Variants in EML6 observed in about 807,000 individuals in gnomAD.
The protein encoded by EML6 is echinoderm microtubule-associated protein-like 6.
A neutral mutation model predicts 240.1 loss-of-function variants in EML6; 154 were observed. That is an observed-to-expected ratio of 0.64 (90% CI 0.56 to 0.73). The LOEUF is 0.73. EML6 is among the 30% of genes least tolerant of loss of function. The pLI is 0.00. For synonymous variants in EML6, 1,148 were observed against 899.0 expected, an observed-to-expected ratio of 1.28 and a Z score of -4.95; for missense variants, 2,964 against 2,474.6, an observed-to-expected ratio of 1.20 and a Z score of -4.20.
chr2:54,864,553 T>C (rs1317137564), intron 13 of EML6, among the ~76,000 whole-genome samples: 1 of 152,206 alleles, frequency 6.6e-6, no homozygotes, highest in Non-Finnish European at 1.5e-5. Flanking sequence ...GGGGTTCTCT[T>C]TTTCTTTCTT....
At chr2:54,813,501 T>A in intron 3 of EML6, 110 bp downstream of exon 3, 1 of 917,424 alleles carries the variant, frequency 1.1e-6, no homozygotes, top group Non-Finnish European at 1.7e-6. Flanking sequence ...CTGGTTCTTC[T>A]GGCACAGCCT....
At chr2:54,927,086 G>A (rs1674587372) in intron 26 of EML6, among the ~76,000 whole-genome samples, 1 of 152,124 alleles carries the variant, frequency 6.6e-6, no homozygotes, top group Non-Finnish European at 1.5e-5. Flanking sequence ...ATGTTCAAAT[G>A]GGTTTTTCTT....
At chr2:54,912,783 C>G (rs1252246535) in intron 25 of EML6, among the ~76,000 whole-genome samples, 1 of 152,136 alleles carries the variant, frequency 6.6e-6, no homozygotes, top group African/African-American at 2.4e-5. Context: ...TATATATGTA[C>G]CACATTTCCT....
At chr2:54,791,101 C>T (rs1051138294) in intron 2 of EML6, among the ~76,000 whole-genome samples, 5 of 152,130 alleles carry the variant, frequency 3.3e-5, no homozygotes, top group African/African-American at 1.2e-4. Context: ...AGCATTTCTT[C>T]TGAATAAATA....
chr2:54,847,385 C>G (rs1669822883), intron 8 of EML6, 101 bp from the exon 9 acceptor site: 1 of 1,268,566 alleles, frequency 7.9e-7, no homozygotes, highest in Non-Finnish European at 1.1e-6. Context: ...TATGTCTTTT[C>G]TTGTTACTGT....
intron 32 of EML6, among the ~76,000 whole-genome samples, chr2:54,954,493 G>A (rs1415334051): frequency 6.6e-6 from 1 of 152,204 alleles, no homozygotes; most frequent in Non-Finnish European, 1.5e-5. Context: ...AAGGGTCCTT[G>A]TCTTCCGTGC....
At chr2:54,846,910 T>TGTATGAA (rs1669789408) in intron 8 of EML6, among the ~76,000 whole-genome samples, 1 of 149,356 alleles carries the variant, frequency 6.7e-6, no homozygotes, top group Non-Finnish European at 1.5e-5. Flanking sequence ...AGTAATATTT[T>TGTATGAA]GTATGAAGTA....
At chr2:54,863,406 C>T (rs1318293164) in intron 12 of EML6, among the ~76,000 whole-genome samples, 3 of 152,114 alleles carry the variant, frequency 2.0e-5, no homozygotes, top group Non-Finnish European at 4.4e-5. Context: ...TCTGTAGTCC[C>T]AGCTGCCAGG....
At chr2:54,811,708 C>T (rs1473299760) in intron 2 of EML6, among the ~76,000 whole-genome samples, 2 of 152,184 alleles carry the variant, frequency 1.3e-5, no homozygotes, top group East Asian at 3.8e-4. Context: ...CTTCCATCCA[C>T]TCAGCTTAAT....
intron 24 of EML6, among the ~76,000 whole-genome samples, chr2:54,907,136 G>A (rs925674995): frequency 3.3e-5 from 5 of 152,180 alleles, no homozygotes; most frequent in Non-Finnish European, 7.3e-5. Flanking sequence ...TGTATGGAGG[G>A]AGAGAAAACA....
chr2:54,873,776 T>G (rs1671372264), intron 16 of EML6, among the ~76,000 whole-genome samples: 1 of 144,936 alleles, frequency 6.9e-6, no homozygotes, highest in Admixed American at 7.1e-5. Flanking sequence ...GTTTACAACA[T>G]TATTGGGAAT....
intron 9 of EML6, among the ~76,000 whole-genome samples, chr2:54,848,050 G>A (rs1669866244): frequency 7.2e-6 from 1 of 139,686 alleles, no homozygotes; most frequent in African/African-American, 2.8e-5. Flanking sequence ...TTGGATAAAA[G>A]ATTGTGGGCT....
intron 2 of EML6, among the ~76,000 whole-genome samples, chr2:54,767,626 GTGTGTA>G (rs200399975): frequency 0.18 from 21,349 of 120,176 alleles, 1,651 homozygotes; most frequent in Middle Eastern, 0.29. Context: ...GTGTGTGTGT[GTGTGTA>G]TGTGTGTGTG....
intron 38 of EML6, 33 bp from the exon 39 acceptor site, chr2:54,966,967 C>T (rs777860395): frequency 8.5e-6 from 12 of 1,407,884 alleles, no homozygotes; most frequent in East Asian, 2.5e-5. Context: ...TGAGAAAGAA[C>T]GTTGATGAAC....
intron 2 of EML6, among the ~76,000 whole-genome samples, chr2:54,758,656 T>C (rs1044007323): frequency 5.3e-5 from 8 of 152,210 alleles, no homozygotes; most frequent in African/African-American, 1.9e-4. Context: ...TGACTGATTC[T>C]GGAAGACAGG....
chr2:54,876,407 C>G (rs1371833489), intron 16 of EML6, among the ~76,000 whole-genome samples: 1 of 152,176 alleles, frequency 6.6e-6, no homozygotes, highest in East Asian at 1.9e-4. Context: ...TACCCACAAT[C>G]AGAATACCTT....
At position 54,724,998 on chromosome 2, in the gene EML6, C is replaced by T; in HGVS notation, c.-64C>T. The T allele has an allele frequency of 1.5e-6, 2 of 1,353,222 alleles. No homozygotes were observed. The highest frequency in any genetic ancestry group is 1.9e-6 in the Non-Finnish European group (2 of 1,047,768). The allele number at this position is 1,353,222 out of a possible 1,614,324, so 83.8% of individuals were successfully genotyped here. A position where few individuals can be genotyped will look rare whatever the true frequency, so the allele number is the denominator to read the frequency against. On this transcript the variant is annotated 5_prime_UTR_variant, in exon 2 of 42. Transcript: ENST00000356458. This position sits in a 1 kb window ranked among gnomAD's most constrained non-coding sequence, Gnocchi z 5.2. Reference sequence around the variant, plus strand: ...TGAGCCCCTGCAGGTCCGCCGCAGCCCCAGCCTCGGCGAGGACGGCCCCGG... The same window carrying T: ...TGAGCCCCTGCAGGTCCGCCGCAGCTCCAGCCTCGGCGAGGACGGCCCCGG...
chr2:54,958,078 T>G, intron 33 of EML6, 80 bp downstream of exon 33: 1 of 1,282,054 alleles, frequency 7.8e-7, no homozygotes. Flanking sequence ...GAGGGGAGTT[T>G]GGCCAAGAGG....
At chr2:54,912,393 C>T (rs558004272) in intron 25 of EML6, among the ~76,000 whole-genome samples, 3 of 152,288 alleles carry the variant, frequency 2.0e-5, no homozygotes, top group African/African-American at 7.2e-5. Flanking sequence ...ATACTTTATA[C>T]ACCTTTATTT....
Sources: gnomAD v4.1 joint callset for allele counts (sites outside exome capture counted in the v4.1 genomes callset) on GRCh38, gnomAD v4.1.1 for gene constraint, Gnocchi (gnomAD v3.1) non-coding constraint, MANE v1.5 for transcripts, NCBI Gene and HGNC (gene_info 2026-07-23, HGNC 2026-07-21) for gene names.